THBS4: variants seen among roughly 807,000 people sequenced by gnomAD.
THBS4 encodes the protein thrombospondin-4.
A neutral mutation model predicts 115.7 loss-of-function variants in THBS4; 90 were observed. That is an observed-to-expected ratio of 0.78 (90% CI 0.66 to 0.93). The LOEUF (loss-of-function observed/expected upper bound fraction) is 0.93, where lower values mean the gene tolerates loss of function less well. THBS4 is among the 40% of genes least tolerant of loss of function. The pLI is 0.00. For missense variants in THBS4, 1,087 were observed against 1,232.7 expected (o/e 0.88, Z 1.77); for synonymous variants, 460 against 479.3 (o/e 0.96, Z 0.53).
intron 8 of THBS4, among the ~76,000 whole-genome samples, chr5:80,062,537 T>TTTAAG (rs1833670710): frequency 6.6e-6 from 1 of 152,234 alleles, no homozygotes; most frequent in Non-Finnish European, 1.5e-5. Context: ...GCATGATTTT[T>TTTAAG]TTAAGTTATT....
At chr5:80,040,334 G>A in intron 2 of THBS4, 54 bp downstream of exon 2, 1 of 1,385,672 alleles carries the variant, frequency 7.2e-7, no homozygotes, top group East Asian at 2.6e-5. Flanking sequence ...TCTATTCCAG[G>A]ATTAGGGGTA....
intron 2 of THBS4, among the ~76,000 whole-genome samples, chr5:80,023,349 T>G (rs951569942): frequency 6.6e-6 from 1 of 152,218 alleles, no homozygotes; most frequent in Non-Finnish European, 1.5e-5. Flanking sequence ...AGTTTGGAGC[T>G]CAGTATTTGC....
rs146241603 is a variant in THBS4 at position 80,019,361 on chromosome 5, C to G, written n.178-20716C>G. On this transcript the variant is annotated intron_variant and non_coding_transcript_variant, in intron 2 of 3. Transcript: ENST00000510218. ...TGAACAGCCCAATGCAAGGCATGCCCTTCATTGATTTCTGGATTTTTTTAA... is the reference window on the plus strand; with the variant it reads ...TGAACAGCCCAATGCAAGGCATGCCGTTCATTGATTTCTGGATTTTTTTAA... Among the ~76,000 whole-genome samples, 16 of 152,204 alleles carry G rather than the reference C, an allele frequency of 1.1e-4. No individual in the cohort carries two copies. The East Asian group carries it at 1.7e-3, about 17-fold the overall frequency.
intron 1 of THBS4, among the ~76,000 whole-genome samples, chr5:80,038,589 C>A (rs1174174446): frequency 6.6e-6 from 1 of 151,936 alleles, no homozygotes; most frequent in Non-Finnish European, 1.5e-5. Context: ...TTGCTAAGGA[C>A]AGTTAATGTT....
At chr5:80,055,375 C>T (rs1833388868) in intron 2 of THBS4, among the ~76,000 whole-genome samples, 1 of 151,850 alleles carries the variant, frequency 6.6e-6, no homozygotes, top group African/African-American at 2.4e-5. Flanking sequence ...AAGGACAGCC[C>T]CCAGCCCCAT....
intron 3 of THBS4, among the ~76,000 whole-genome samples, chr5:80,056,596 T>G (rs1833440275): frequency 6.6e-6 from 1 of 152,224 alleles, no homozygotes; most frequent in Non-Finnish European, 1.5e-5. Context: ...TTTTTATTAT[T>G]CTGTCATTGC....
chr5:80,061,605 A>G (rs1833636765), intron 7 of THBS4, 90 bp from the exon 8 acceptor site: 7 of 1,438,150 alleles, frequency 4.9e-6, no homozygotes, highest in Non-Finnish European at 6.5e-6. Flanking sequence ...AGATAGTTAA[A>G]TGACTAAACA....
rs542613384 is a variant in THBS4 at position 80,019,493 on chromosome 5, G to A, written n.178-20584G>A. The A allele has an allele frequency of 2.6e-5, 4 of 152,324 alleles. No homozygotes were observed. The East Asian group carries it at 7.7e-4, about 29-fold the overall frequency. The allele number at this position is 152,324 out of a possible 1,614,324, so 9.4% of individuals were successfully genotyped here. A position where few individuals can be genotyped will look rare whatever the true frequency, so the allele number is the denominator to read the frequency against. ...TTTTCTTAGGTGAGATAAGGATATT[G>A]TAATTATACAAGAGATGTCCTTCAT... On this transcript the variant is annotated intron_variant and non_coding_transcript_variant, in intron 2 of 3. Coordinates refer to the THBS4 transcript ENST00000510218.
intron 16 of THBS4, 114 bp from the exon 17 acceptor site, chr5:80,077,935 C>A: frequency 2.2e-6 from 2 of 897,244 alleles, no homozygotes; most frequent in Non-Finnish European, 3.1e-6. Flanking sequence ...GAAATCATGG[C>A]CCTGGTTGTG....
chr5:80,057,742 A>C (rs2112090776), intron 3 of THBS4, among the ~76,000 whole-genome samples: 1 of 152,368 alleles, frequency 6.6e-6, no homozygotes, highest in African/African-American at 2.4e-5. Context: ...CCAACTACCT[A>C]ATGATCATAG....
intron 2 of THBS4, among the ~76,000 whole-genome samples, chr5:80,007,041 C>A (rs1283592147): frequency 6.6e-6 from 1 of 152,152 alleles, no homozygotes; most frequent in Non-Finnish European, 1.5e-5. Flanking sequence ...CCTTGTGGAG[C>A]TTACACTCAA....
At chr5:80,036,554 C>T (rs17882223) in intron 1 of THBS4, among the ~76,000 whole-genome samples, 2 of 152,082 alleles carry the variant, frequency 1.3e-5, no homozygotes, top group Non-Finnish European at 1.5e-5. Flanking sequence ...TTCTATGAAA[C>T]GGTAAAAATT....
Position 80,083,063 on chromosome 5 carries a change from GCCCATTCCTATTGCA to G in THBS4, c.2825-16_2825-2del. On this transcript the variant is annotated splice_acceptor_variant and splice_polypyrimidine_tract_variant and intron_variant, in intron 21 of 21. Transcript: ENST00000350881. LOFTEE classifies it high-confidence loss of function. The stretch of plus-strand genomic sequence containing the variant: ...GAAGGAGCCTCGCTAACCTCCCTGT[GCCCATTCCTATTGCA>G]GACACCATCCCTGAGGACTTCCAAG... 1 of 1,612,454 alleles carries G rather than the reference GCCCATTCCTATTGCA, an allele frequency of 6.2e-7. No homozygotes were observed. Among genetic ancestry groups the G allele is most frequent in the East Asian group, 2.2e-5 (1 of 44,862 alleles).
upstream of THBS4, among the ~76,000 whole-genome samples, chr5:80,030,763 T>A (rs1832571452): frequency 6.6e-6 from 1 of 152,156 alleles, no homozygotes; most frequent in South Asian, 2.1e-4. Flanking sequence ...CACCTTGGCA[T>A]CCTAAGTGCT....
At chr5:80,016,587 A>G (rs1832255354) in intron 2 of THBS4, among the ~76,000 whole-genome samples, 1 of 152,228 alleles carries the variant, frequency 6.6e-6, no homozygotes, top group African/African-American at 2.4e-5. Flanking sequence ...TTGAGAAACC[A>G]AACTGAGTTC....
intron 2 of THBS4, among the ~76,000 whole-genome samples, chr5:80,027,691 T>C (rs1441725305): frequency 6.7e-6 from 1 of 149,218 alleles, no homozygotes; most frequent in Non-Finnish European, 1.5e-5. Flanking sequence ...AGCCCAGGAG[T>C]TCAAGACCAG....
chr5:80,021,203 G>A (rs896050313), intron 2 of THBS4, among the ~76,000 whole-genome samples: 1 of 152,088 alleles, frequency 6.6e-6, no homozygotes, highest in African/African-American at 2.4e-5. Flanking sequence ...ATTTCAGGGG[G>A]TTCACGAAGT....
At chr5:80,019,005 G>A (rs1168479216) in intron 2 of THBS4, among the ~76,000 whole-genome samples, 2 of 148,158 alleles carry the variant, frequency 1.3e-5, no homozygotes, top group African/African-American at 2.5e-5. Flanking sequence ...CTTTTACTTC[G>A]ATTGCCTGGG....
At chr5:80,053,043 A>C (rs1359890818) in intron 2 of THBS4, 3 of 152,180 alleles carry the variant, frequency 2.0e-5, no homozygotes, top group Non-Finnish European at 1.5e-5. Flanking sequence ...AAGTTAAAAC[A>C]ATGAAGATGA....
Sources: allele counts gnomAD v4.1 joint callset (sites outside exome capture counted in the v4.1 genomes callset), GRCh38; gene constraint gnomAD v4.1.1; transcripts MANE v1.5; gene names NCBI Gene and HGNC (gene_info 2026-07-23, HGNC 2026-07-21).